Variants in SGCD observed in about 807,000 individuals in gnomAD.
SGCD encodes delta-sarcoglycan.
SGCD carries 18 observed loss-of-function variants against 36.6 expected under a neutral mutation model. The observed-to-expected ratio is 0.49, with a 90% CI of 0.34 to 0.73. SGCD has a LOEUF of 0.73. SGCD is among the 30% of genes least tolerant of loss of function. The probability of loss-of-function intolerance (pLI) is 0.01; values close to 1 mark genes in which losing one functional copy is unlikely to be tolerated. For missense variants in SGCD, 387 were observed against 346.7 expected, an observed-to-expected ratio of 1.12 and a Z score of -0.92; for synonymous variants, 133 against 130.6, an observed-to-expected ratio of 1.02 and a Z score of -0.12.
At chr5:155,766,336 C>T in the SGCD span, among the ~76,000 whole-genome samples, 136 of 152,240 alleles carry the variant, frequency 8.9e-4, 3 homozygotes, top group East Asian at 0.02. Context: ...AAAGCTGAAG[C>T]GCACCACATC....
At chr5:156,407,107 A>G (rs1772472681) in intron 3 of SGCD, among the ~76,000 whole-genome samples, 1 of 152,046 alleles carries the variant, frequency 6.6e-6, no homozygotes, top group Non-Finnish European at 1.5e-5. Flanking sequence ...CACCAGATTA[A>G]GGGTGGGTCT....
intron 7 of SGCD, among the ~76,000 whole-genome samples, chr5:156,710,313 T>G (rs1754931855): frequency 6.6e-6 from 1 of 152,140 alleles, no homozygotes; most frequent in Admixed American, 6.5e-5. Context: ...AAAACAATAT[T>G]TTTATACCCT....
intron 3 of SGCD, among the ~76,000 whole-genome samples, chr5:156,413,967 T>A (rs1407904307): frequency 6.6e-6 from 1 of 152,132 alleles, no homozygotes; most frequent in Non-Finnish European, 1.5e-5. Flanking sequence ...GAAATGGTGG[T>A]ACAGAAGAGA....
At chr5:156,139,375 A>G (rs922327476) in intron 3 of SGCD, among the ~76,000 whole-genome samples, 3 of 152,178 alleles carry the variant, frequency 2.0e-5, no homozygotes, top group Non-Finnish European at 2.9e-5. Context: ...TTCAAATTCA[A>G]TATGTCAGCT....
At chr5:156,648,238 A>G (rs961558042) in intron 7 of SGCD, among the ~76,000 whole-genome samples, 1 of 147,496 alleles carries the variant, frequency 6.8e-6, no homozygotes, top group Admixed American at 6.9e-5. Context: ...ATTCATCATA[A>G]CTGTGATGAA....
At chr5:156,742,368 A>C (rs1056498602) in intron 7 of SGCD, among the ~76,000 whole-genome samples, 16 of 151,872 alleles carry the variant, frequency 1.1e-4, no homozygotes, top group Admixed American at 5.2e-4. Flanking sequence ...TCTATCCACT[A>C]TCCATATACT....
intron 4 of SGCD, among the ~76,000 whole-genome samples, chr5:156,583,923 A>T (rs1188780329): frequency 6.6e-6 from 1 of 152,222 alleles, no homozygotes; most frequent in African/African-American, 2.4e-5. Context: ...TACATACTGA[A>T]GTAGACTCCA....
At chr5:155,956,224 TC>T (rs1274233816) in intron 1 of SGCD, among the ~76,000 whole-genome samples, 2 of 151,836 alleles carry the variant, frequency 1.3e-5, no homozygotes, top group African/African-American at 2.4e-5. Flanking sequence ...TTTAGACCCT[TC>T]CTGCTGTTTC....
chr5:156,594,887 C>G, intron 5 of SGCD, 45 bp from the exon 6 acceptor site: 4 of 1,251,398 alleles, frequency 3.2e-6, no homozygotes, highest in African/African-American at 1.5e-5. Flanking sequence ...CTCTCTCTCT[C>G]TCTCCTCTCT....
chr5:155,909,018 G>T (rs1480902627), intron 1 of SGCD, among the ~76,000 whole-genome samples: 1 of 151,984 alleles, frequency 6.6e-6, no homozygotes, highest in African/African-American at 2.4e-5. Context: ...ATTCTTAAAG[G>T]ACACAAGAAG....
At chr5:155,798,892 A>G in the SGCD span, among the ~76,000 whole-genome samples, 2 of 152,188 alleles carry the variant, frequency 1.3e-5, no homozygotes, top group African/African-American at 4.8e-5. Flanking sequence ...CCAGATGCGT[A>G]TGAAGTGATT....
intron 3 of SGCD, among the ~76,000 whole-genome samples, chr5:156,250,637 A>G (rs74348686): frequency 1.3e-5 from 2 of 152,178 alleles, no homozygotes; most frequent in African/African-American, 4.8e-5. Flanking sequence ...TGTTTGTAAT[A>G]TTCACCAACT....
At chr5:156,097,535 G>C (rs1477792305) in intron 1 of SGCD, among the ~76,000 whole-genome samples, 2 of 151,862 alleles carry the variant, frequency 1.3e-5, no homozygotes, top group Non-Finnish European at 2.9e-5. Flanking sequence ...TTTCATTTTT[G>C]TTATAGTATT....
rs79427953 is a variant in SGCD, at chr5:156,022,122, A to G, written c.-281-95756A>G. ...TTGAACATTTCATATAAATAGTATC[A>G]TACAATACATGACTTTTGTGTCTGG... On this transcript the variant is annotated intron_variant, in intron 1 of 9. Transcript: ENST00000517913. Among the ~76,000 whole-genome samples, 1,430 of 152,304 alleles carry G rather than the reference A, an allele frequency of 9.4e-3. 26 individuals carry two copies. Among genetic ancestry groups the G allele is most frequent in the African/African-American group, 0.032 (1,346 of 41,550 alleles).
the SGCD span, among the ~76,000 whole-genome samples, chr5:155,747,467 T>C: frequency 6.6e-6 from 1 of 152,138 alleles, no homozygotes; most frequent in Non-Finnish European, 1.5e-5. Context: ...TTAAAACCAG[T>C]TTCTTGTGAT....
At chr5:156,722,075 T>C (rs1472026901) in intron 7 of SGCD, among the ~76,000 whole-genome samples, 1 of 152,210 alleles carries the variant, frequency 6.6e-6, no homozygotes, top group Admixed American at 6.5e-5. Context: ...GAGTGCCCTA[T>C]AGTTTATTCC....
At chr5:156,508,749 T>C in intron 4 of SGCD, 47 bp downstream of exon 4, 1 of 1,125,750 alleles carries the variant, frequency 8.9e-7, no homozygotes, top group Non-Finnish European at 1.3e-6. Flanking sequence ...CTCTAGAATC[T>C]AAATCTGGAG....
At chr5:156,364,540 G>A (rs1463645559) in intron 3 of SGCD, among the ~76,000 whole-genome samples, 1 of 152,160 alleles carries the variant, frequency 6.6e-6, no homozygotes. Context: ...ATAAGCAGTT[G>A]AAAAAGGAGA....
intron 3 of SGCD, among the ~76,000 whole-genome samples, chr5:156,204,285 C>T (rs1415377660): frequency 1.3e-5 from 2 of 152,024 alleles, no homozygotes; most frequent in African/African-American, 2.4e-5. Flanking sequence ...AAGAATAATA[C>T]TCCAAAATGA....
Sources: gnomAD v4.1 joint callset for allele counts (sites outside exome capture counted in the v4.1 genomes callset) on GRCh38, gnomAD v4.1.1 for gene constraint, MANE v1.5 for transcripts, NCBI Gene and HGNC (gene_info 2026-07-23, HGNC 2026-07-21) for gene names.